UBR4: variants seen among roughly 807,000 people sequenced by gnomAD.
UBR4 encodes ubiquitin protein ligase E3 component n-recognin 4, also known as E3 ubiquitin-protein ligase UBR4.
Under a neutral mutation model 575.6 loss-of-function variants are expected in UBR4, and 124 were observed. That is an observed-to-expected ratio of 0.22 (90% CI 0.19 to 0.25). The LOEUF (loss-of-function observed/expected upper bound fraction) is 0.25, where lower values mean the gene tolerates loss of function less well. Ranked by LOEUF, UBR4 falls within the 10% of genes least tolerant of loss-of-function variation. UBR4 has a pLI of 1.00. For synonymous variants in UBR4, 2,455 were observed against 2,473.7 expected, an observed-to-expected ratio of 0.99 and a Z score of 0.22; for missense variants, 4,818 against 6,478.8, an observed-to-expected ratio of 0.74 and a Z score of 8.80.
rs1160755915 is a variant in UBR4, at chr1:19,157,098, C to G, written c.5761-173G>C. On this transcript the variant is annotated intron_variant, in intron 40 of 105. Transcript: ENST00000375254. This position sits in a 1 kb window ranked among gnomAD's most constrained non-coding sequence, Gnocchi z 4.4. The stretch of plus-strand genomic sequence containing the variant: ...AGTCTCTATTACTCCTGGCTAAAAG[C>G]TATGGAATGTATTTCCATGGAGGAC... Among the ~76,000 whole-genome samples, 2 of 152,192 alleles carry G rather than the reference C, an allele frequency of 1.3e-5. No homozygotes were observed. Among genetic ancestry groups the G allele is most frequent in the African/African-American group, 4.8e-5 (2 of 41,444 alleles).
Position 19,167,079 on chromosome 1 carries a change from T to C in UBR4, c.4052A>G (p.Tyr1351Cys). 6.2e-7 allele frequency: 1 copy of C among 1,614,190 alleles called. No individual in the cohort carries two copies. Among genetic ancestry groups the C allele is most frequent in the Non-Finnish European group, 8.5e-7 (1 of 1,180,032 alleles). The change falls in exon 29 of 106, where the codon TAT becomes TGT. Residue 1351 changes from tyrosine to cysteine, a missense_variant. By Grantham distance (194) the Tyr-to-Cys change is radical. Around this residue, in one of 29 missense-constraint regions of UBR4, gnomAD observed 1,172 missense variants for 1,259.7 expected, o/e 0.93. Transcript: ENST00000375254. ...AESDEFLARV[Y>C]EKLITGCYNI... is the part of the protein sequence containing the mutation. ...GTAACAACCAGTGATCAGCTTCTCA[T>C]AAACACGAGCCAAGAACTCATCAGA...
In UBR4 at chr1:19,194,696, G is replaced by A. The variant is rs796353858; in HGVS notation, c.1019-1139C>T. ...AGGCGCCTATAATCCCAGCTACTCGGGAAGCTGAAGCAGGAGAATCACTTG... is the reference window on the plus strand; with the variant it reads ...AGGCGCCTATAATCCCAGCTACTCGAGAAGCTGAAGCAGGAGAATCACTTG... On this transcript the variant is annotated intron_variant, in intron 8 of 105. Coordinates refer to ENST00000375254, the MANE Select transcript of UBR4 (RefSeq NM_020765.3). 6.6e-5 allele frequency among the ~76,000 whole-genome samples: 10 copies of A among 152,108 alleles called. No individual in the cohort carries two copies. The East Asian group carries it at 9.7e-4, about 15-fold the overall frequency.
At position 19,155,004 on chromosome 1, in the gene UBR4, G is replaced by A. The variant is rs780355674; in HGVS notation, c.6372C>T (p.Phe2124=). 1.9e-6 allele frequency: 3 copies of A among 1,614,138 alleles called. No individual in the cohort carries two copies. The East Asian group carries it at 6.7e-5, about 36-fold the overall frequency. The change falls in exon 44 of 106, where the codon TTC becomes TTT. Residue 2124 remains phenylalanine, a synonymous_variant. Coordinates refer to ENST00000375254, the MANE Select transcript of UBR4 (RefSeq NM_020765.3). Reference sequence around the variant, plus strand: ...CGAATGATTTGCCTTGACAATAGCTGAAGAACAACATCTGCAACACGTGGG... The same window carrying A: ...CGAATGATTTGCCTTGACAATAGCTAAAGAACAACATCTGCAACACGTGGG... The part of the protein sequence containing the change: ...YYSHVLQMLF[F]SYCQGKSFAA...
At chr1:19,146,679 A>G in intron 52 of UBR4, 147 bp downstream of exon 52, 1 of 980,066 alleles carries the variant, frequency 1.0e-6, no homozygotes, top group Non-Finnish European at 1.5e-6. Context: ...CAATGTCAAA[A>G]GGCCCTACAA....
At chr1:19,118,638 T>C (rs1327713343) in intron 71 of UBR4, 1 of 528,214 alleles carries the variant, frequency 1.9e-6, no homozygotes, top group East Asian at 3.0e-5. Context: ...TTGCCCAGGC[T>C]ATACAGACCT....
At chr1:19,165,423 A>G in intron 30 of UBR4, 74 bp from the exon 31 acceptor site, 4 of 1,333,154 alleles carry the variant, frequency 3.0e-6, no homozygotes, top group African/African-American at 1.5e-5. Flanking sequence ...TTTCTTCACA[A>G]TCTCATCTCC....
chr1:19,151,789 A>G lies in UBR4; in HGVS notation c.7067T>C (p.Ile2356Thr). 6.2e-7 allele frequency: 1 copy of G among 1,614,112 alleles called. No individual in the cohort carries two copies. The highest frequency in any genetic ancestry group is 2.2e-5 in the East Asian group (1 of 44,872). The change falls in exon 48 of 106, where the codon ATT becomes ACT. Residue 2356 changes from isoleucine (I) to threonine (T), a missense_variant. Transcript: ENST00000375254. Reference sequence around the variant, plus strand: ...GGCCCGTTCTATTGCTTGAGTCCCAATCTGGATCCGCATGCCTGTCATCAC... The same window carrying G: ...GGCCCGTTCTATTGCTTGAGTCCCAGTCTGGATCCGCATGCCTGTCATCAC... ...TMVMTGMRIQ[I>T]GTQAIERAPS...
At chr1:19,092,710 A>G in intron 97 of UBR4, 109 bp downstream of exon 97, 1 of 860,536 alleles carries the variant, frequency 1.2e-6, no homozygotes, top group African/African-American at 1.7e-5. Flanking sequence ...TCTGAGGCTC[A>G]CTTCTACTCT....
At chr1:19,204,444 T>A (rs568595388) in intron 1 of UBR4, among the ~76,000 whole-genome samples, 4 of 152,198 alleles carry the variant, frequency 2.6e-5, no homozygotes, top group Admixed American at 2.0e-4. Flanking sequence ...CTGAACAGGT[T>A]TACCAAATCT....
rs893960226 is a variant in UBR4, at chr1:19,186,776, C to T, written c.1633-119G>A. 8 of 843,194 alleles carry T rather than the reference C, an allele frequency of 9.5e-6. No individual in the cohort carries two copies. In the African/African-American group the frequency reaches 1.4e-4, roughly 14 times the overall value. 52.2% of individuals were successfully genotyped at this position (843,194 alleles called of 1,614,324 possible). On this transcript the variant is annotated intron_variant, in intron 13 of 105. Coordinates refer to ENST00000375254, the MANE Select transcript of UBR4 (RefSeq NM_020765.3). Reference sequence around the variant, plus strand: ...AATCCAAGAGTATGCCTCTTAATAGCTCCCTTAATTAAGGACTTTCATCAC... The same window carrying T: ...AATCCAAGAGTATGCCTCTTAATAGTTCCCTTAATTAAGGACTTTCATCAC...
In UBR4 at chr1:19,117,284, A is replaced by G; in HGVS notation, c.10760T>C (p.Val3587Ala). Reference protein sequence around the residue: ...KIGDLKRTKMVRTINLYYNNR... With the variant: ...KIGDLKRTKMARTINLYYNNR... ...GTTATAATACAGGTTGATGGTCCGCACCATCTTGGTCCGTTTCAGATCCCC... is the reference window on the plus strand; with the variant it reads ...GTTATAATACAGGTTGATGGTCCGCGCCATCTTGGTCCGTTTCAGATCCCC... Residue 3587 changes from valine to alanine, a missense_variant, in exon 73 of 106, where the codon GTG (valine) becomes GCG (alanine). Val to Ala is a moderately conservative substitution (Grantham distance 64, BLOSUM62 0). This residue lies in a region of UBR4 where 550 missense variants were observed against 791.5 expected (regional missense o/e 0.69). Coordinates refer to ENST00000375254, the MANE Select transcript of UBR4 (RefSeq NM_020765.3). The surrounding 1 kb of genome is among the most constrained non-coding windows in gnomAD (Gnocchi z 4.0). The G allele has an allele frequency of 6.2e-7, 1 of 1,614,196 alleles. No homozygotes were observed. The highest frequency in any genetic ancestry group is 8.5e-7 in the Non-Finnish European group (1 of 1,180,030).
chr1:19,074,841 T>C lies in UBR4; in HGVS notation c.15543A>G (p.Ser5181=). 1 of 1,614,116 alleles carries C rather than the reference T, an allele frequency of 6.2e-7. No homozygotes were observed. Among genetic ancestry groups the C allele is most frequent in the Non-Finnish European group, 8.5e-7 (1 of 1,179,996 alleles). The change falls in exon 106 of 106, where the codon TCA becomes TCG. Residue 5181 remains serine (S), a synonymous_variant. Transcript: ENST00000375254. ...AGCTGCTGTGTGGTGGTCAGGGGAC[T>C]GAGTTCAACAGGTCCTTCAGGAAGC... The part of the protein sequence containing the change: ...PESFLKDLLN[S]VP
intron 2 of UBR4, among the ~76,000 whole-genome samples, chr1:19,200,317 T>C (rs2092685183): frequency 6.6e-6 from 1 of 152,146 alleles, no homozygotes; most frequent in African/African-American, 2.4e-5. Flanking sequence ...TAAGAAAGTT[T>C]ATGAATTTGT....
intron 99 of UBR4, 39 bp from the exon 100 acceptor site, chr1:19,086,860 T>TC: frequency 6.2e-7 from 1 of 1,608,944 alleles, no homozygotes; most frequent in South Asian, 1.1e-5. Flanking sequence ...GAGGAGAAAC[T>TC]CCAAGTCAGG....
At chr1:19,190,308 A>T (rs1240687393) in intron 11 of UBR4, among the ~76,000 whole-genome samples, 8 of 83,918 alleles carry the variant, frequency 9.5e-5, no homozygotes, top group East Asian at 1.0e-3. Flanking sequence ...AAAAAAAAAA[A>T]AAAAATATAT....
intron 15 of UBR4, among the ~76,000 whole-genome samples, chr1:19,184,795 C>T (rs1422572498): frequency 6.6e-6 from 1 of 152,106 alleles, no homozygotes; most frequent in African/African-American, 2.4e-5. Flanking sequence ...TAAGATGTCA[C>T]AACACCTTTA....
Position 19,117,808 on chromosome 1 carries a change from A to G in UBR4, c.10629+15T>C. On this transcript the variant is annotated intron_variant, in intron 72 of 105. Coordinates refer to ENST00000375254, the MANE Select transcript of UBR4 (RefSeq NM_020765.3). The surrounding 1 kb of genome is among the most constrained non-coding windows in gnomAD (Gnocchi z 4.0). ...CTATTGGCCTCAGGACTGTCCATGT[A>G]CAGATGTTACTTACACAGAACGGTA... is the stretch of plus-strand genomic sequence containing the variant. 2 of 1,613,130 alleles carry G rather than the reference A, an allele frequency of 1.2e-6. No homozygotes were observed. Among genetic ancestry groups the G allele is most frequent in the African/African-American group, 2.7e-5 (2 of 75,054 alleles).
chr1:19,148,718 G>A (rs1360424853), intron 49 of UBR4, 92 bp from the exon 50 acceptor site: 1 of 1,350,476 alleles, frequency 7.4e-7, no homozygotes, highest in Non-Finnish European at 1.0e-6. Flanking sequence ...GGACCTTGGG[G>A]ACAGCTAATG....
Position 19,120,097 on chromosome 1 carries a change from T to A in UBR4, c.10310+83A>T, listed in dbSNP as rs557624644. 23 of 1,500,066 alleles carry A rather than the reference T, an allele frequency of 1.5e-5. No homozygotes were observed. The East Asian group carries it at 4.8e-4, about 31-fold the overall frequency. 92.9% of individuals were successfully genotyped at this position (1,500,066 alleles called of 1,614,324 possible). On this transcript the variant is annotated intron_variant, in intron 69 of 105. Coordinates refer to ENST00000375254, the MANE Select transcript of UBR4 (RefSeq NM_020765.3). ...CGTAACTACTGACTCTGTGACCATA[T>A]GTAACCGAAAACAAAATAGAACTGC... is the stretch of plus-strand genomic sequence containing the variant.
Sources: allele counts gnomAD v4.1 joint callset (sites outside exome capture counted in the v4.1 genomes callset), GRCh38; gene constraint gnomAD v4.1.1; regional missense constraint gnomAD v4.1.1; non-coding constraint Gnocchi (gnomAD v3.1); transcripts MANE v1.5; gene names NCBI Gene and HGNC (gene_info 2026-07-23, HGNC 2026-07-21).